Variants in METTL8 observed in about 807,000 individuals in gnomAD.
METTL8 encodes tRNA N(3)-cytidine methyltransferase METTL8, mitochondrial.
In METTL8, 32 loss-of-function variants were observed where a neutral mutation model predicts 48.7. The observed-to-expected ratio is 0.66, with a 90% CI of 0.50 to 0.88. The LOEUF (loss-of-function observed/expected upper bound fraction) is 0.88. METTL8 is among the 40% of genes least tolerant of loss of function. The probability of loss-of-function intolerance (pLI) is 0.00; values close to 1 mark genes in which losing one functional copy is unlikely to be tolerated. For missense variants in METTL8, 464 were observed against 474.4 expected (o/e 0.98, Z 0.20); for synonymous variants, 136 against 157.1 (o/e 0.87, Z 1.01).
intron 1 of METTL8, among the ~76,000 whole-genome samples, chr2:171,405,646 TG>T (rs1374233071): frequency 5.3e-5 from 8 of 152,040 alleles, no homozygotes; most frequent in African/African-American, 1.9e-4. Flanking sequence ...TGAGTATCAT[TG>T]TAGGATGAGA....
intron 3 of METTL8, among the ~76,000 whole-genome samples, chr2:171,347,724 GCA>G: frequency 6.6e-6 from 1 of 152,322 alleles, no homozygotes; most frequent in African/African-American, 2.4e-5. Flanking sequence ...TGGCAAAGAA[GCA>G]CAGTTATACT....
At chr2:171,385,230 T>C (rs967928620) in intron 2 of METTL8, among the ~76,000 whole-genome samples, 18 of 151,194 alleles carry the variant, frequency 1.2e-4, no homozygotes, top group African/African-American at 4.1e-4. Context: ...CTGGGCAACA[T>C]GGCAAGACCC....
intron 9 of METTL8, 68 bp from the exon 10 acceptor site, chr2:171,324,430 C>T (rs1684721847): frequency 7.6e-7 from 1 of 1,307,766 alleles, no homozygotes; most frequent in Non-Finnish European, 1.1e-6. Context: ...AGGAGTAGAA[C>T]ACTGATGGAA....
chr2:171,425,812 GTGCC>G (rs1692351240), intron 1 of METTL8, among the ~76,000 whole-genome samples: 1 of 152,224 alleles, frequency 6.6e-6, no homozygotes, highest in African/African-American at 2.4e-5. Context: ...TCTTTAACGT[GTGCC>G]AGGAGACAGG....
At chr2:171,429,306 A>T (rs1292430754) in intron 1 of METTL8, among the ~76,000 whole-genome samples, 1 of 152,196 alleles carries the variant, frequency 6.6e-6, no homozygotes, top group Non-Finnish European at 1.5e-5. Flanking sequence ...TATGTAAATG[A>T]TGTTGTTTGT....
At chr2:171,362,955 A>C (rs78395994) in intron 2 of METTL8, among the ~76,000 whole-genome samples, 4,536 of 152,254 alleles carry the variant, frequency 0.03, 81 homozygotes, top group East Asian at 0.051. Flanking sequence ...GCTAGGGATG[A>C]GTTTTTCATC....
chr2:171,342,615 T>TAA (rs35778397), intron 3 of METTL8, among the ~76,000 whole-genome samples: 5 of 147,528 alleles, frequency 3.4e-5, no homozygotes, highest in African/African-American at 7.5e-5. Context: ...TCCTTTACCT[T>TAA]AAAAAAAAAA....
At chr2:171,401,144 T>C (rs1340129782) in intron 1 of METTL8, among the ~76,000 whole-genome samples, 2 of 152,152 alleles carry the variant, frequency 1.3e-5, no homozygotes, top group Non-Finnish European at 2.9e-5. Context: ...TCATCTAGAA[T>C]GAAGTTGCAC....
intron 1 of METTL8, among the ~76,000 whole-genome samples, chr2:171,413,534 A>C (rs536699272): frequency 6.6e-6 from 1 of 152,234 alleles, no homozygotes; most frequent in Non-Finnish European, 1.5e-5. Context: ...CTTATTTTTA[A>C]ATCACTTAAT....
chr2:171,410,935 G>A (rs886297949), intron 1 of METTL8, among the ~76,000 whole-genome samples: 1 of 152,126 alleles, frequency 6.6e-6, no homozygotes, highest in Admixed American at 6.5e-5. Flanking sequence ...ATCCTTAAAT[G>A]TTACTCTTTT....
intron 1 of METTL8, among the ~76,000 whole-genome samples, chr2:171,397,802 T>C (rs1559173362): frequency 6.6e-6 from 1 of 152,162 alleles, no homozygotes; most frequent in Non-Finnish European, 1.5e-5. Flanking sequence ...GACAATTTTA[T>C]TGCATTCATT....
intron 3 of METTL8, among the ~76,000 whole-genome samples, chr2:171,354,017 T>G (rs1014576358): frequency 6.6e-6 from 1 of 152,216 alleles, no homozygotes; most frequent in Non-Finnish European, 1.5e-5. Flanking sequence ...GTTAGCTGGT[T>G]ATTTTGCCCG....
chr2:171,406,312 T>C (rs1044622819), intron 1 of METTL8, among the ~76,000 whole-genome samples: 5 of 152,214 alleles, frequency 3.3e-5, no homozygotes, highest in African/African-American at 4.8e-5. Flanking sequence ...GCACCTGTTA[T>C]GTATGAAAGA....
At chr2:171,425,910 G>A (rs1692364908) in intron 1 of METTL8, among the ~76,000 whole-genome samples, 1 of 152,202 alleles carries the variant, frequency 6.6e-6, no homozygotes, top group Non-Finnish European at 1.5e-5. Context: ...TGTAATCCCA[G>A]CACTTTAGGA....
intron 3 of METTL8, among the ~76,000 whole-genome samples, chr2:171,341,952 T>C (rs1686821810): frequency 6.6e-6 from 1 of 152,114 alleles, no homozygotes. Context: ...AAGGAGTGGC[T>C]GGGGACCACA....
intron 1 of METTL8, among the ~76,000 whole-genome samples, chr2:171,421,721 A>G (rs537741671): frequency 6.4e-4 from 98 of 152,254 alleles, no homozygotes; most frequent in Middle Eastern, 6.8e-3. Flanking sequence ...CAGTATTTGG[A>G]GGATGTGAAA....
intron 2 of METTL8, among the ~76,000 whole-genome samples, chr2:171,389,645 T>C (rs1688407507): frequency 1.3e-5 from 2 of 151,856 alleles, no homozygotes; most frequent in Admixed American, 1.3e-4. Flanking sequence ...AGCCACAATA[T>C]TCCCATAAGC....
intron 2 of METTL8, among the ~76,000 whole-genome samples, chr2:171,384,030 A>G (rs1473190866): frequency 7.9e-5 from 12 of 152,254 alleles, no homozygotes; most frequent in Admixed American, 7.2e-4. Context: ...ACAGGGGAAC[A>G]GCCCAAATGT....
chr2:171,343,761 T>C (rs1267176381), intron 3 of METTL8, among the ~76,000 whole-genome samples: 1 of 152,212 alleles, frequency 6.6e-6, no homozygotes, highest in Non-Finnish European at 1.5e-5. Flanking sequence ...GTTTAAGCTC[T>C]AAAAATTCTG....
Sources: allele counts gnomAD v4.1 joint callset (sites outside exome capture counted in the v4.1 genomes callset), GRCh38; gene constraint gnomAD v4.1.1; transcripts MANE v1.5; gene names NCBI Gene and HGNC (gene_info 2026-07-23, HGNC 2026-07-21).